The following EDNRA variants were observed in gnomAD, a reference collection of about 807,000 sequenced individuals.
The protein encoded by EDNRA is endothelin receptor type A.
In EDNRA, 11 loss-of-function variants were observed where a neutral mutation model predicts 41.4. That is an observed-to-expected ratio of 0.27 (90% confidence interval 0.17 to 0.44). EDNRA has a LOEUF of 0.44. Ranked by LOEUF, EDNRA falls within the 20% of genes least tolerant of loss-of-function variation. The pLI is 1.00. For synonymous variants in EDNRA, 172 were observed against 183.0 expected (o/e 0.94, Z 0.49); for missense variants, 294 against 531.0 (o/e 0.55, Z 4.39).
At chr4:147,506,136 G>A (rs375543271) in intron 2 of EDNRA, 1 of 527,626 alleles carries the variant, frequency 1.9e-6, no homozygotes, top group Non-Finnish European at 3.8e-6. Context: ...CCCTGGAAGA[G>A]GTGAAGTTGG....
chr4:147,481,799 TC>T (rs1306674842), intron 1 of EDNRA, among the ~76,000 whole-genome samples: 3 of 152,092 alleles, frequency 2.0e-5, no homozygotes, highest in Non-Finnish European at 4.4e-5. Flanking sequence ...TTGCTTTTCC[TC>T]CCCCACATCT....
chr4:147,516,926 G>GA (rs1376851507), intron 2 of EDNRA, among the ~76,000 whole-genome samples: 4 of 150,934 alleles, frequency 2.7e-5, no homozygotes, highest in African/African-American at 7.3e-5. Flanking sequence ...ATTACTCCAG[G>GA]AAAAAAAGAT....
chr4:147,532,381 A>T, intron 3 of EDNRA, 125 bp from the exon 4 acceptor site: 1 of 802,994 alleles, frequency 1.2e-6, no homozygotes. Flanking sequence ...AGACTCAGAA[A>T]ATTCCTAAAA....
At chr4:147,505,580 G>A (rs1217734097) in intron 2 of EDNRA, among the ~76,000 whole-genome samples, 1 of 148,654 alleles carries the variant, frequency 6.7e-6, no homozygotes, top group Non-Finnish European at 1.5e-5. Flanking sequence ...GGCCTCAGGC[G>A]ATCCACCCAC....
intron 1 of EDNRA, among the ~76,000 whole-genome samples, chr4:147,482,460 G>A (rs992129481): frequency 1.3e-5 from 2 of 152,138 alleles, no homozygotes; most frequent in South Asian, 2.1e-4. Context: ...CTTCACTAGC[G>A]CTATGACTGA....
At chr4:147,530,858 A>C (rs1461446891) in intron 3 of EDNRA, among the ~76,000 whole-genome samples, 7 of 152,124 alleles carry the variant, frequency 4.6e-5, no homozygotes, top group Non-Finnish European at 2.9e-5. Context: ...ACCCATGAGC[A>C]CCTGTCTCCA....
chr4:147,506,863 G>C (rs1045596870), intron 2 of EDNRA: 5 of 158,448 alleles, frequency 3.2e-5, no homozygotes, highest in African/African-American at 1.2e-4. Flanking sequence ...TGGGGGCTAA[G>C]TGGCAATACT....
intron 5 of EDNRA, 56 bp from the exon 6 acceptor site, chr4:147,539,761 C>G (rs539688777): frequency 6.4e-7 from 1 of 1,567,368 alleles, no homozygotes; most frequent in African/African-American, 1.4e-5. Context: ...GTAGTTCTTG[C>G]ATCTAGTATA....
chr4:147,502,865 G>A (rs1421006265), intron 2 of EDNRA, among the ~76,000 whole-genome samples: 1 of 152,070 alleles, frequency 6.6e-6, no homozygotes, highest in African/African-American at 2.4e-5. Flanking sequence ...TAGCCTAATT[G>A]CTGAAATACT....
chr4:147,513,395 C>T (rs10305892), intron 2 of EDNRA, among the ~76,000 whole-genome samples: 3,124 of 152,268 alleles, frequency 0.021, 121 homozygotes, highest in African/African-American at 0.071. Context: ...TGCTCTGTCT[C>T]AATCCTGAAG....
chr4:147,510,305 A>G (rs1265458572), intron 2 of EDNRA, among the ~76,000 whole-genome samples: 3 of 152,150 alleles, frequency 2.0e-5, no homozygotes, highest in Non-Finnish European at 4.4e-5. Flanking sequence ...ATTGTATTAG[A>G]CCTCAAATTT....
chr4:147,497,863 G>A (rs892411366), intron 2 of EDNRA, among the ~76,000 whole-genome samples: 1 of 152,112 alleles, frequency 6.6e-6, no homozygotes, highest in African/African-American at 2.4e-5. Flanking sequence ...GAGCCACCGC[G>A]CCCAGCCTCT....
chr4:147,524,777 A>G (rs1037887785), intron 3 of EDNRA, among the ~76,000 whole-genome samples: 1 of 152,192 alleles, frequency 6.6e-6, no homozygotes, highest in Non-Finnish European at 1.5e-5. Context: ...TAGGGAATCT[A>G]TTTGACATTT....
At chr4:147,510,780 A>G (rs1374682825) in intron 2 of EDNRA, among the ~76,000 whole-genome samples, 3 of 152,220 alleles carry the variant, frequency 2.0e-5, no homozygotes, top group Non-Finnish European at 4.4e-5. Flanking sequence ...TTAGGTAGAA[A>G]AAAAGGGACT....
At chr4:147,508,033 A>G (rs1729782992) in intron 2 of EDNRA, among the ~76,000 whole-genome samples, 1 of 152,226 alleles carries the variant, frequency 6.6e-6, no homozygotes, top group South Asian at 2.1e-4. Flanking sequence ...TAGATTCTAG[A>G]CAGAAGTCCT....
intron 2 of EDNRA, among the ~76,000 whole-genome samples, chr4:147,515,388 A>G (rs1468006752): frequency 6.6e-6 from 1 of 152,088 alleles, no homozygotes; most frequent in Non-Finnish European, 1.5e-5. Context: ...GGGGATGGCA[A>G]AATTGTCCCC....
chr4:147,533,464 T>C (rs887236455), intron 4 of EDNRA, among the ~76,000 whole-genome samples: 7 of 152,242 alleles, frequency 4.6e-5, no homozygotes, highest in African/African-American at 1.4e-4. Context: ...AATTTAGTGC[T>C]TTGATGTAAG....
chr4:147,485,556 A>G (rs949045237), intron 1 of EDNRA, 56 bp from the exon 2 acceptor site: 7 of 1,004,954 alleles, frequency 7.0e-6, no homozygotes, highest in South Asian at 6.7e-5. Flanking sequence ...ATCATTGACT[A>G]TGATCTTTTT....
chr4:147,502,522 A>G (rs768400844), intron 2 of EDNRA, among the ~76,000 whole-genome samples: 5 of 152,242 alleles, frequency 3.3e-5, no homozygotes, highest in Admixed American at 6.5e-5. Context: ...GTTGAAACCA[A>G]GATAAGCCTG....
Sources: allele counts gnomAD v4.1 joint callset (sites outside exome capture counted in the v4.1 genomes callset), GRCh38; gene constraint gnomAD v4.1.1; transcripts MANE v1.5; gene names NCBI Gene and HGNC (gene_info 2026-07-23, HGNC 2026-07-21).